The following ANK2 variants were observed in gnomAD, a reference collection of about 807,000 sequenced individuals.
ANK2 encodes the protein ankyrin-2.
In ANK2, 83 loss-of-function variants were observed where a neutral mutation model predicts 360.5. That is an observed-to-expected ratio of 0.23 (90% CI 0.19 to 0.28). The LOEUF (loss-of-function observed/expected upper bound fraction) is 0.28, where lower values mean the gene tolerates loss of function less well. Ranked by LOEUF, ANK2 falls within the 10% of genes least tolerant of loss-of-function variation. The pLI is 1.00. For missense variants in ANK2, 4,201 were observed against 4,795.7 expected, an observed-to-expected ratio of 0.88 and a Z score of 3.66; for synonymous variants, 1,740 against 1,759.5, an observed-to-expected ratio of 0.99 and a Z score of 0.28.
chr4:113,287,942 C>G (rs946859001), intron 19 of ANK2, among the ~76,000 whole-genome samples: 6 of 152,206 alleles, frequency 3.9e-5, no homozygotes, highest in African/African-American at 1.4e-4. Context: ...AATTTTGCAG[C>G]CTTAAGTCTA....
At chr4:113,380,681 C>T (rs1438602726) in intron 45 of ANK2, among the ~76,000 whole-genome samples, 3 of 152,210 alleles carry the variant, frequency 2.0e-5, no homozygotes, top group Admixed American at 6.5e-5. Flanking sequence ...TGTTATAGTT[C>T]CTTTTCTCAA....
chr4:112,878,452 G>A (rs551466687), intron 1 of ANK2, among the ~76,000 whole-genome samples: 1 of 151,666 alleles, frequency 6.6e-6, no homozygotes, highest in Non-Finnish European at 1.5e-5. Context: ...TCAGCCTCCC[G>A]AGTAGCTGGG....
chr4:113,104,170 C>A (rs2093327954), intron 1 of ANK2, among the ~76,000 whole-genome samples: 1 of 152,130 alleles, frequency 6.6e-6, no homozygotes, highest in Admixed American at 6.6e-5. Context: ...TGAAACACTA[C>A]CACCTTTTGT....
intron 20 of ANK2, among the ~76,000 whole-genome samples, chr4:113,289,481 G>A (rs979834111): frequency 2.0e-5 from 3 of 152,056 alleles, no homozygotes; most frequent in Admixed American, 6.5e-5. Context: ...AAAGTGCTGG[G>A]ATTACAAGTG....
At chr4:113,135,523 CTGTG>C (rs33960021) in intron 1 of ANK2, among the ~76,000 whole-genome samples, 1 of 149,312 alleles carries the variant, frequency 6.7e-6, no homozygotes, top group Non-Finnish European at 1.5e-5. Flanking sequence ...GTGTGTCTCT[CTGTG>C]TGTGTGTGTG....
chr4:112,745,599 C>G, the ANK2 span, among the ~76,000 whole-genome samples: 1 of 145,942 alleles, frequency 6.9e-6, no homozygotes, highest in Non-Finnish European at 1.5e-5. Flanking sequence ...AATGGCACGA[C>G]CTCGGCTCAC....
chr4:113,250,860 T>G (rs1025512174), intron 10 of ANK2, among the ~76,000 whole-genome samples: 1 of 147,258 alleles, frequency 6.8e-6, no homozygotes, highest in African/African-American at 2.5e-5. Flanking sequence ...TATATATAAT[T>G]GAAATCATTT....
rs747753930 is a variant in ANK2 at position 113,293,425 on chromosome 4, T to TCACTCTCTCTTC, written c.2377-14_2377-3dup. On this transcript the variant is annotated splice_polypyrimidine_tract_variant and intron_variant, in intron 21 of 45. Transcript: ENST00000357077. Reference sequence around the variant, plus strand: ...TCTCTTATTTCTCACTCTCTCTCTTTCACTCTCTCTTCAGAATGGCAACAC... The same window carrying TCACTCTCTCTTC: ...TCTCTTATTTCTCACTCTCTCTCTTTCACTCTCTCTTCCACTCTCTCTTCAGAATGGCAACAC... The TCACTCTCTCTTC allele has an allele frequency of 1.2e-6, 2 of 1,608,240 alleles. No individual in the cohort carries two copies. Among genetic ancestry groups the TCACTCTCTCTTC allele is most frequent in the African/African-American group, 2.7e-5 (2 of 74,770 alleles).
intron 9 of ANK2, among the ~76,000 whole-genome samples, chr4:113,245,434 A>G (rs959716071): frequency 1.3e-5 from 2 of 152,196 alleles, no homozygotes; most frequent in African/African-American, 4.8e-5. Flanking sequence ...AGTTTAATTG[A>G]CTCACAGTTC....
chr4:113,078,240 A>C (rs1335532541), intron 1 of ANK2, among the ~76,000 whole-genome samples: 1 of 152,188 alleles, frequency 6.6e-6, no homozygotes, highest in Non-Finnish European at 1.5e-5. Flanking sequence ...ATGTGATCTC[A>C]AAATGGACTG....
At position 113,381,718 on chromosome 4, in the gene ANK2, A is replaced by AGGTC; in HGVS notation, c.*247_*248insGGTC. ...TCCTGTTTCAGTAGGGGAGTGACCT[A>AGGTC]ACTGGCCTAATTAATGGGATACCCC... On this transcript the variant is annotated 3_prime_UTR_variant, in exon 46 of 46. Coordinates refer to ENST00000357077, the MANE Select transcript of ANK2 (RefSeq NM_001148.6). The AGGTC allele has an allele frequency of 6.9e-7, 1 of 1,444,930 alleles. No individual in the cohort carries two copies. The highest frequency in any genetic ancestry group is 9.3e-7 in the Non-Finnish European group (1 of 1,070,090). 89.5% of individuals were successfully genotyped at this position (1,444,930 alleles called of 1,614,324 possible). A position where few individuals can be genotyped will look rare whatever the true frequency, so the allele number is the denominator to read the frequency against.
chr4:112,753,006 A>G, the ANK2 span, among the ~76,000 whole-genome samples: 1 of 152,066 alleles, frequency 6.6e-6, no homozygotes, highest in African/African-American at 2.4e-5. Context: ...TGCTGTCTCT[A>G]TGACCACTGC....
rs1023562795 is a variant in ANK2, at chr4:112,834,074, A to G, written c.-40+15810A>G. On this transcript the variant is annotated intron_variant, in intron 1 of 30. Coordinates refer to the ANK2 transcript ENST00000503271. ...AAGATTATTCTCTGTCAGTACATACAAAGTTGCCTTATGCTTTAAAGAAAT... is the reference window on the plus strand; with the variant it reads ...AAGATTATTCTCTGTCAGTACATACGAAGTTGCCTTATGCTTTAAAGAAAT... Among the ~76,000 whole-genome samples, 10 of 152,354 alleles carry G rather than the reference A, an allele frequency of 6.6e-5. No homozygotes were observed. The East Asian group carries it at 1.3e-3, about 21-fold the overall frequency.
the ANK2 span, among the ~76,000 whole-genome samples, chr4:112,740,931 A>C: frequency 2.0e-5 from 3 of 151,988 alleles, no homozygotes; most frequent in Admixed American, 2.0e-4. Flanking sequence ...CAGAGGTTGC[A>C]GTGAGCCGAG....
intron 43 of ANK2, among the ~76,000 whole-genome samples, chr4:113,372,169 G>A (rs1158078734): frequency 6.6e-6 from 1 of 152,156 alleles, no homozygotes; most frequent in African/African-American, 2.4e-5. Flanking sequence ...TGGCTCATAA[G>A]TGTTTACTGA....
intron 1 of ANK2, among the ~76,000 whole-genome samples, chr4:113,154,051 T>TATATCCA (rs1562462179): frequency 6.6e-6 from 1 of 152,174 alleles, no homozygotes; most frequent in African/African-American, 2.4e-5. Context: ...GTTAATTCAA[T>TATATCCA]GTATTGCCAA....
intron 2 of ANK2, among the ~76,000 whole-genome samples, chr4:113,181,536 A>G (rs1241885235): frequency 6.6e-6 from 1 of 152,180 alleles, no homozygotes; most frequent in Non-Finnish European, 1.5e-5. Context: ...CTGCTCTCAT[A>G]AAGCTCACAA....
intron 11 of ANK2, among the ~76,000 whole-genome samples, chr4:113,257,671 T>C (rs991875285): frequency 6.6e-6 from 1 of 152,224 alleles, no homozygotes; most frequent in South Asian, 2.1e-4. Context: ...CAGAAGAATA[T>C]ATGCTTATCT....
chr4:112,922,228 T>C (rs2091705049), intron 2 of ANK2, among the ~76,000 whole-genome samples: 1 of 152,156 alleles, frequency 6.6e-6, no homozygotes, highest in South Asian at 2.1e-4. Context: ...ATATCTGTAT[T>C]GAGCTGCACT....
Sources: gnomAD v4.1 joint callset for allele counts (sites outside exome capture counted in the v4.1 genomes callset) on GRCh38, gnomAD v4.1.1 for gene constraint, MANE v1.5 for transcripts, NCBI Gene and HGNC (gene_info 2026-07-23, HGNC 2026-07-21) for gene names.